The following ABLIM2 variants were observed in gnomAD, a reference collection of about 807,000 sequenced individuals.
ABLIM2 encodes the protein actin binding LIM protein family member 2, also known as actin-binding LIM protein 2.
A neutral mutation model predicts 97.7 loss-of-function variants in ABLIM2; 53 were observed. The observed-to-expected ratio is 0.54, with a 90% CI of 0.44 to 0.68. ABLIM2 has a LOEUF of 0.68. ABLIM2 is among the 30% of genes least tolerant of loss of function. The pLI, the probability that ABLIM2 is intolerant of heterozygous loss-of-function variation, is 0.00. For synonymous variants in ABLIM2, 361 were observed against 345.8 expected (o/e 1.04, Z -0.49); for missense variants, 835 against 867.2 (o/e 0.96, Z 0.47).
At chr4:8,099,067 G>C (rs1171653996) in intron 2 of ABLIM2, among the ~76,000 whole-genome samples, 1 of 152,248 alleles carries the variant, frequency 6.6e-6, no homozygotes, top group South Asian at 2.1e-4. Flanking sequence ...CTCCAGACAG[G>C]TGGGCCTCAG....
chr4:8,025,850 G>A (rs1322876403), intron 12 of ABLIM2, among the ~76,000 whole-genome samples: 2 of 152,298 alleles, frequency 1.3e-5, no homozygotes, highest in East Asian at 1.9e-4. Context: ...CAGGAGAAGC[G>A]GCATCTCCTT....
chr4:7,978,276 C>T (rs1158145630), intron 20 of ABLIM2, among the ~76,000 whole-genome samples: 1 of 152,162 alleles, frequency 6.6e-6, no homozygotes, highest in Non-Finnish European at 1.5e-5. Flanking sequence ...TTTCCAGTTG[C>T]CTCCTGGCTT....
At chr4:8,118,523 G>T (rs529950518) in intron 1 of ABLIM2, among the ~76,000 whole-genome samples, 1 of 152,284 alleles carries the variant, frequency 6.6e-6, no homozygotes, top group African/African-American at 2.4e-5. Flanking sequence ...CTGGGAGGGT[G>T]GCCTCCAGCA....
chr4:8,008,199 T>G lies in ABLIM2; in HGVS notation c.1478A>C (p.Gln493Pro). ...CTTGAGCATCAGCCAGCTGCTCTTCTGCTGAAGGTAAAAAACAAAGTCATG... is the reference window on the plus strand; with the variant it reads ...CTTGAGCATCAGCCAGCTGCTCTTCGGCTGAAGGTAAAAAACAAAGTCATG... ...DGSLDQDNRK[Q>P]KSSWLMLKGD... Residue 493 changes from glutamine to proline, a missense_variant and splice_region_variant, in exon 16 of 21, where the codon CAG (glutamine) becomes CCG (proline). Coordinates refer to ENST00000447017, the MANE Select transcript of ABLIM2 (RefSeq NM_001130083.2). 6.2e-7 allele frequency: 1 copy of G among 1,612,536 alleles called. No homozygotes were observed. Among genetic ancestry groups the G allele is most frequent in the East Asian group, 2.2e-5 (1 of 44,822 alleles).
intron 20 of ABLIM2, among the ~76,000 whole-genome samples, chr4:7,979,045 C>A (rs1222902715): frequency 1.3e-5 from 2 of 152,226 alleles, no homozygotes; most frequent in Admixed American, 1.3e-4. Flanking sequence ...GGCTTCTCCA[C>A]CCACCTGGTG....
chr4:8,156,263 G>C (rs1410991897), intron 1 of ABLIM2, among the ~76,000 whole-genome samples: 1 of 151,718 alleles, frequency 6.6e-6, no homozygotes, highest in Admixed American at 6.6e-5. Flanking sequence ...GACCACATGG[G>C]CTGCAGTGAG....
intron 2 of ABLIM2, among the ~76,000 whole-genome samples, chr4:8,103,876 C>T (rs182888599): frequency 6.3e-4 from 96 of 152,336 alleles, no homozygotes; most frequent in African/African-American, 2.3e-3. Flanking sequence ...GAAATCCTTT[C>T]AAATAAAGTG....
intron 3 of ABLIM2, among the ~76,000 whole-genome samples, chr4:8,091,344 T>TA (rs1412198308): frequency 7.8e-5 from 2 of 25,510 alleles, no homozygotes; most frequent in Non-Finnish European, 6.9e-5. Context: ...ATATATAATA[T>TA]ATATATAATT....
rs1165876777 is a variant in ABLIM2, at chr4:7,970,563, G to A, written c.1825-3460C>T. Among the ~76,000 whole-genome samples, 1 of 151,960 alleles carries A rather than the reference G, an allele frequency of 6.6e-6. No homozygotes were observed. Among genetic ancestry groups the A allele is most frequent in the East Asian group, 1.9e-4 (1 of 5,150 alleles). On this transcript the variant is annotated intron_variant, in intron 20 of 20. Transcript: ENST00000447017. This position sits in a 1 kb window ranked among gnomAD's most constrained non-coding sequence, Gnocchi z 5.3. ...TTGAGGATGACACCATGTGCTCCAGGCTGTGGGAGCCTCTGGGGAGGGCGA... is the reference window on the plus strand; with the variant it reads ...TTGAGGATGACACCATGTGCTCCAGACTGTGGGAGCCTCTGGGGAGGGCGA...
At chr4:8,060,440 C>A (rs1184391491) in intron 7 of ABLIM2, among the ~76,000 whole-genome samples, 2 of 152,168 alleles carry the variant, frequency 1.3e-5, no homozygotes, top group Non-Finnish European at 2.9e-5. Flanking sequence ...CTCCTTTCGT[C>A]AATGCTCTGT....
In ABLIM2 at chr4:8,019,679, A is replaced by G. The variant is rs1195914171; in HGVS notation, c.1370-8T>C. 6.2e-7 allele frequency: 1 copy of G among 1,610,196 alleles called. No homozygotes were observed. Among genetic ancestry groups the G allele is most frequent in the Non-Finnish European group, 8.5e-7 (1 of 1,177,352 alleles). On this transcript the variant is annotated splice_region_variant and splice_polypyrimidine_tract_variant and intron_variant, in intron 13 of 20. Coordinates refer to ENST00000447017, the MANE Select transcript of ABLIM2 (RefSeq NM_001130083.2). This position sits in a 1 kb window ranked among gnomAD's most constrained non-coding sequence, Gnocchi z 4.3. Reference sequence around the variant, plus strand: ...TATCTTTTACGCCAGTGTCTGGGGAAGAAGAAAGAAAAAAAAGGAGAGAAC... The same window carrying G: ...TATCTTTTACGCCAGTGTCTGGGGAGGAAGAAAGAAAAAAAAGGAGAGAAC...
At chr4:8,098,077 C>G (rs752729633) in intron 2 of ABLIM2, among the ~76,000 whole-genome samples, 1 of 152,180 alleles carries the variant, frequency 6.6e-6, no homozygotes, top group Non-Finnish European at 1.5e-5. Flanking sequence ...TCCTGAGACC[C>G]GATCGCATTC....
chr4:8,146,161 A>T (rs565578744), intron 1 of ABLIM2, among the ~76,000 whole-genome samples: 33 of 152,364 alleles, frequency 2.2e-4, no homozygotes, highest in African/African-American at 7.9e-4. Context: ...ATGCTTCATA[A>T]TATTTTTAAT....
At chr4:8,091,290 A>C (rs569575440) in intron 3 of ABLIM2, among the ~76,000 whole-genome samples, 7,957 of 51,816 alleles carry the variant, frequency 0.15, 1,654 homozygotes, top group African/African-American at 0.32. Flanking sequence ...ATTATATATA[A>C]TATTATATAT....
intron 6 of ABLIM2, among the ~76,000 whole-genome samples, chr4:8,070,525 C>T (rs562866069): frequency 5.9e-5 from 9 of 152,174 alleles, no homozygotes; most frequent in Non-Finnish European, 1.2e-4. Flanking sequence ...CTCCCAGTGA[C>T]GAGAGTCATC....
chr4:8,126,125 G>A (rs1561578668), intron 1 of ABLIM2, among the ~76,000 whole-genome samples: 2 of 152,210 alleles, frequency 1.3e-5, no homozygotes, highest in Non-Finnish European at 1.5e-5. Context: ...GCTCCCTTCA[G>A]TAACATTCCA....
intron 20 of ABLIM2, among the ~76,000 whole-genome samples, chr4:7,982,565 T>G (rs549212399): frequency 6.6e-6 from 1 of 152,336 alleles, no homozygotes; most frequent in South Asian, 2.1e-4. Flanking sequence ...TGCTGACACC[T>G]TGCCGGTGCT....
chr4:8,044,487 T>G lies in ABLIM2; in HGVS notation c.900+677A>C, dbSNP rs1290102384. 6.6e-6 allele frequency among the ~76,000 whole-genome samples: 1 copy of G among 151,716 alleles called. No homozygotes were observed. Among genetic ancestry groups the G allele is most frequent in the African/African-American group, 2.4e-5 (1 of 41,340 alleles). ...TATATGTATGTATACATATATAAAT[T>G]TAAATATACAATATTAAATGTATTA... On this transcript the variant is annotated intron_variant, in intron 9 of 20. Coordinates refer to ENST00000447017, the MANE Select transcript of ABLIM2 (RefSeq NM_001130083.2). The surrounding 1 kb of genome is among the most constrained non-coding windows in gnomAD (Gnocchi z 4.4).
intron 1 of ABLIM2, 40 bp downstream of exon 1, chr4:8,158,640 A>C (rs1419910214): frequency 2.0e-6 from 3 of 1,505,722 alleles, no homozygotes; most frequent in Non-Finnish European, 2.7e-6. Context: ...GCCGCGAGCC[A>C]GCGCGGGGAC....
Sources: allele counts gnomAD v4.1 joint callset (sites outside exome capture counted in the v4.1 genomes callset), GRCh38; gene constraint gnomAD v4.1.1; non-coding constraint Gnocchi (gnomAD v3.1); transcripts MANE v1.5; gene names NCBI Gene and HGNC (gene_info 2026-07-23, HGNC 2026-07-21).